Variants in TMC1 observed in about 807,000 individuals in gnomAD.
TMC1 encodes transmembrane channel like 1, also known as transmembrane channel-like protein 1.
In TMC1, 84 loss-of-function variants were observed where a neutral mutation model predicts 105.8. The ratio of observed to expected loss-of-function variants is 0.79; its 90% CI spans 0.67 to 0.95. The LOEUF (loss-of-function observed/expected upper bound fraction) is 0.95, where lower values mean the gene tolerates loss of function less well. Ranked by LOEUF, TMC1 falls within the 40% of genes least tolerant of loss-of-function variation. The probability of loss-of-function intolerance (pLI) is 0.00; values close to 1 mark genes in which losing one functional copy is unlikely to be tolerated. For synonymous variants in TMC1, 315 were observed against 311.5 expected (o/e 1.01, Z -0.12); for missense variants, 817 against 914.1 (o/e 0.89, Z 1.37).
intron 2 of TMC1, among the ~76,000 whole-genome samples, chr9:72,610,029 T>C (rs1003548378): frequency 4.6e-5 from 7 of 152,226 alleles, no homozygotes; most frequent in African/African-American, 1.7e-4. Flanking sequence ...CTCAGTGAAC[T>C]ATTTGAGACC....
intron 4 of TMC1, among the ~76,000 whole-genome samples, chr9:72,647,124 A>G (rs1407749618): frequency 1.4e-5 from 2 of 148,096 alleles, no homozygotes. Context: ...CCTGGGTGAC[A>G]GAGTGAGACT....
intron 20 of TMC1, among the ~76,000 whole-genome samples, chr9:72,823,035 T>C (rs960768145): frequency 1.5e-4 from 23 of 152,228 alleles, no homozygotes; most frequent in African/African-American, 5.3e-4. Flanking sequence ...AATTATTTAT[T>C]TGTTTTTTAA....
At chr9:72,782,802 A>G (rs1588080996) in intron 13 of TMC1, among the ~76,000 whole-genome samples, 2 of 152,156 alleles carry the variant, frequency 1.3e-5, no homozygotes, top group African/African-American at 2.4e-5. Flanking sequence ...GACACAAACA[A>G]ATGGAAAAAT....
intron 18 of TMC1, among the ~76,000 whole-genome samples, chr9:72,813,290 A>G (rs1338380433): frequency 2.0e-5 from 3 of 152,182 alleles, no homozygotes; most frequent in Non-Finnish European, 2.9e-5. Context: ...TAATGTTTAT[A>G]AAAGCCTACC....
chr9:72,758,583 G>T lies in TMC1; in HGVS notation c.741+3699G>T, dbSNP rs941307364. 9.9e-5 allele frequency among the ~76,000 whole-genome samples: 15 copies of T among 152,168 alleles called. No individual in the cohort carries two copies. In the East Asian group the frequency reaches 2.7e-3, roughly 27 times the overall value. ...CAGATTGTCTTGAGTATCGTGCATA[G>T]ATGGTAGAGATCAGACGCCACAGAC... is the stretch of plus-strand genomic sequence containing the variant. On this transcript the variant is annotated intron_variant, in intron 12 of 23. Coordinates refer to ENST00000297784, the MANE Select transcript of TMC1 (RefSeq NM_138691.3).
At chr9:72,789,638 TAGG>T (rs1828231770) in intron 15 of TMC1, among the ~76,000 whole-genome samples, 2 of 152,236 alleles carry the variant, frequency 1.3e-5, no homozygotes, top group Admixed American at 6.5e-5. Flanking sequence ...GTCACAGAGT[TAGG>T]AGAAGAGTCA....
intron 20 of TMC1, among the ~76,000 whole-genome samples, chr9:72,826,126 G>A (rs553224492): frequency 3.9e-5 from 6 of 152,230 alleles, no homozygotes; most frequent in Middle Eastern, 3.4e-3. Context: ...ACATCTTTTC[G>A]TAGTACAATC....
intron 8 of TMC1, among the ~76,000 whole-genome samples, chr9:72,733,431 G>A (rs1236546948): frequency 2.0e-5 from 3 of 151,916 alleles, no homozygotes; most frequent in Non-Finnish European, 4.4e-5. Flanking sequence ...CTTTCAATGG[G>A]GTAACAGTCT....
intron 5 of TMC1, among the ~76,000 whole-genome samples, chr9:72,678,845 G>A (rs972957139): frequency 6.6e-6 from 1 of 151,908 alleles, no homozygotes; most frequent in African/African-American, 2.4e-5. Flanking sequence ...TACAGTCATG[G>A]CTAAAATGAT....
intron 3 of TMC1, among the ~76,000 whole-genome samples, chr9:72,626,132 G>A (rs1825343193): frequency 6.6e-6 from 1 of 152,176 alleles, no homozygotes; most frequent in Admixed American, 6.5e-5. Context: ...TTCGAATGAA[G>A]GAGACTTAGG....
intron 13 of TMC1, among the ~76,000 whole-genome samples, chr9:72,778,435 G>C (rs570538503): frequency 6.6e-6 from 1 of 152,228 alleles, no homozygotes; most frequent in Admixed American, 6.5e-5. Context: ...AGTTAAATAG[G>C]CGTGGAGTAG....
At chr9:72,598,032 A>G (rs943483726) in intron 2 of TMC1, among the ~76,000 whole-genome samples, 4 of 151,318 alleles carry the variant, frequency 2.6e-5, no homozygotes, top group African/African-American at 9.7e-5. Context: ...TGCACATTTG[A>G]TAACACAGAT....
chr9:72,536,567 C>G (rs969110617), intron 1 of TMC1, among the ~76,000 whole-genome samples: 1 of 152,106 alleles, frequency 6.6e-6, no homozygotes, highest in African/African-American at 2.4e-5. Flanking sequence ...CTCCTGACCT[C>G]GTGATCCGCC....
At chr9:72,691,787 G>A (rs1193819275) in intron 6 of TMC1, among the ~76,000 whole-genome samples, 3 of 152,104 alleles carry the variant, frequency 2.0e-5, no homozygotes, top group Non-Finnish European at 4.4e-5. Context: ...TGAACACAGG[G>A]TATATATTTC....
At chr9:72,585,698 G>C (rs999739462) in intron 2 of TMC1, among the ~76,000 whole-genome samples, 10 of 152,196 alleles carry the variant, frequency 6.6e-5, no homozygotes, top group African/African-American at 2.4e-4. Context: ...CCTGGGAGAA[G>C]TTGTCAGTGG....
intron 1 of TMC1, among the ~76,000 whole-genome samples, chr9:72,556,269 A>G (rs1165054456): frequency 6.6e-6 from 1 of 151,610 alleles, no homozygotes; most frequent in Middle Eastern, 3.4e-3. Context: ...GGAACCTGCC[A>G]TCACACCCAG....
At position 72,700,623 on chromosome 9, in the gene TMC1, G is replaced by A. The variant is rs370554600; in HGVS notation, c.342G>A (p.Glu114=). ...TCAAATGCAAACCATGGAAGATGGA[G>A]AAGAAAATTGAAGTTCTCAAGTATG... ...ATVKCKPWKM[E]KKIEVLKEAK... Residue 114 remains glutamate (E), a synonymous_variant, in exon 8 of 24, where the codon GAG becomes GAA. Transcript: ENST00000297784. 6 of 1,602,952 alleles carry A rather than the reference G, an allele frequency of 3.7e-6. No individual in the cohort carries two copies. The African/African-American group carries it at 4.0e-5, about 11-fold the overall frequency.
At chr9:72,623,164 T>G (rs1450856487) in intron 3 of TMC1, among the ~76,000 whole-genome samples, 22 of 119,984 alleles carry the variant, frequency 1.8e-4, no homozygotes, top group African/African-American at 1.9e-4. Flanking sequence ...TTTTTTTTCT[T>G]TTTTTTTTTT....
intron 2 of TMC1, among the ~76,000 whole-genome samples, chr9:72,594,651 C>T (rs1019048684): frequency 6.6e-6 from 1 of 152,202 alleles, no homozygotes; most frequent in African/African-American, 2.4e-5. Context: ...AAAACACAAA[C>T]TTTGACTATG....
Sources: gnomAD v4.1 joint callset for allele counts (sites outside exome capture counted in the v4.1 genomes callset) on GRCh38, gnomAD v4.1.1 for gene constraint, MANE v1.5 for transcripts, NCBI Gene and HGNC (gene_info 2026-07-23, HGNC 2026-07-21) for gene names.